The following GLS variants were observed in gnomAD, a reference collection of about 807,000 sequenced individuals.
GLS encodes glutaminase kidney isoform, mitochondrial.
A neutral mutation model predicts 86.7 loss-of-function variants in GLS; 36 were observed. The observed-to-expected ratio is 0.42, with a 90% CI of 0.32 to 0.55. GLS has a LOEUF of 0.55. Ranked by LOEUF, GLS falls within the 20% of genes least tolerant of loss-of-function variation. GLS has a pLI of 0.17. For missense variants in GLS, 528 were observed against 833.4 expected, an observed-to-expected ratio of 0.63 and a Z score of 4.51; for synonymous variants, 317 against 305.9, an observed-to-expected ratio of 1.04 and a Z score of -0.38.
Position 190,905,615 on chromosome 2 carries a change from T to C in GLS, c.979+448T>C, listed in dbSNP as rs913752825. Among the ~76,000 whole-genome samples, 1 of 152,090 alleles carries C rather than the reference T, an allele frequency of 6.6e-6. No homozygotes were observed. The highest frequency in any genetic ancestry group is 2.4e-5 in the African/African-American group (1 of 41,428). On this transcript the variant is annotated intron_variant, in intron 6 of 17. Transcript: ENST00000320717. The surrounding 1 kb of genome is among the most constrained non-coding windows in gnomAD (Gnocchi z 4.6). ...CTGGTTGAGATAGTGAGGATTATTATTTTTCAGTGAGTGTTTTTACTTTTT... is the reference window on the plus strand; with the variant it reads ...CTGGTTGAGATAGTGAGGATTATTACTTTTCAGTGAGTGTTTTTACTTTTT...
At chr2:190,896,412 T>C (rs1372612605) in intron 3 of GLS, 1 of 152,228 alleles carries the variant, frequency 6.6e-6, no homozygotes, top group Non-Finnish European at 1.5e-5. Flanking sequence ...AAGAATCAAA[T>C]AGTATTTTAA....
At chr2:190,917,960 ACAG>A (rs1689597804) in intron 7 of GLS, among the ~76,000 whole-genome samples, 1 of 152,054 alleles carries the variant, frequency 6.6e-6, no homozygotes, top group South Asian at 2.1e-4. Context: ...GTAGGTTTCA[ACAG>A]TGGGCTTAAA....
At chr2:190,941,938 A>C (rs1307213054) in intron 14 of GLS, among the ~76,000 whole-genome samples, 1 of 152,070 alleles carries the variant, frequency 6.6e-6, no homozygotes, top group Non-Finnish European at 1.5e-5. Flanking sequence ...TAAATGTTTA[A>C]TGTGCACCCC....
At chr2:190,928,753 C>G (rs1689988841) in intron 12 of GLS, among the ~76,000 whole-genome samples, 1 of 139,868 alleles carries the variant, frequency 7.1e-6, no homozygotes, top group Admixed American at 7.0e-5. Context: ...TGACCTGTCT[C>G]TCTTTTTTTC....
intron 14 of GLS, among the ~76,000 whole-genome samples, chr2:190,944,229 G>C (rs1435166101): frequency 1.3e-5 from 2 of 150,416 alleles, no homozygotes; most frequent in Non-Finnish European, 3.0e-5. Flanking sequence ...TGTATTTGGT[G>C]ATGAATGTCT....
At chr2:190,958,560 C>T (rs1690918997) in intron 17 of GLS, among the ~76,000 whole-genome samples, 1 of 152,156 alleles carries the variant, frequency 6.6e-6, no homozygotes, top group Non-Finnish European at 1.5e-5. Context: ...GCATTTAGTA[C>T]TATAAATTTC....
At chr2:190,928,892 G>GTT (rs367999647) in intron 12 of GLS, among the ~76,000 whole-genome samples, 1,550 of 12,840 alleles carry the variant, frequency 0.12, 280 homozygotes, top group Middle Eastern at 0.17. Context: ...ATTCAGGTGT[G>GTT]TTTTTTTTTT....
In GLS at chr2:190,897,323, T is replaced by G. The variant is rs1688778773; in HGVS notation, c.605+1598T>G. On this transcript the variant is annotated intron_variant, in intron 3 of 17. Transcript: ENST00000320717. This position sits in a 1 kb window ranked among gnomAD's most constrained non-coding sequence, Gnocchi z 4.3. ...TTTAATACTTGAAAAAATATTTATG[T>G]TTTGTAAACATGTTGTTATGTTTAA... Among the ~76,000 whole-genome samples the G allele has an allele frequency of 6.6e-6, 1 of 152,208 alleles. No homozygotes were observed. The highest frequency in any genetic ancestry group is 1.5e-5 in the Non-Finnish European group (1 of 68,034).
chr2:190,928,556 A>G (rs939897230), intron 12 of GLS, among the ~76,000 whole-genome samples: 1 of 151,840 alleles, frequency 6.6e-6, no homozygotes, highest in South Asian at 2.1e-4. Flanking sequence ...GCTGTTCTCG[A>G]ACTCCTGACC....
intron 12 of GLS, among the ~76,000 whole-genome samples, chr2:190,928,287 ATATT>A (rs1203364034): frequency 6.6e-6 from 1 of 151,826 alleles, no homozygotes; most frequent in Non-Finnish European, 1.5e-5. Context: ...GAATATCAAA[ATATT>A]TAGTTAGTGT....
At chr2:190,929,530 T>A (rs1004873342) in intron 12 of GLS, among the ~76,000 whole-genome samples, 21 of 149,954 alleles carry the variant, frequency 1.4e-4, no homozygotes, top group Admixed American at 9.3e-4. Context: ...AGTGCAGTGG[T>A]GCGATCTTGG....
rs770380565 is a variant in GLS, at chr2:190,924,807, T to C, written c.1248+214T>C. On this transcript the variant is annotated intron_variant, in intron 11 of 17. Coordinates refer to ENST00000320717, the MANE Select transcript of GLS (RefSeq NM_014905.5). The surrounding 1 kb of genome is among the most constrained non-coding windows in gnomAD (Gnocchi z 5.2). ...GTGTGTGCCTGTAGTCCCAGTTACT[T>C]GTGAGGCTGAGGCAGGAGAATCCCT... 7 of 423,140 alleles carry C rather than the reference T, an allele frequency of 1.7e-5. No homozygotes were observed. The highest frequency in any genetic ancestry group is 4.1e-5 in the African/African-American group (2 of 49,194). 26.2% of individuals were successfully genotyped at this position (423,140 alleles called of 1,614,324 possible).
chr2:190,932,216 G>A (rs560626286), intron 14 of GLS, among the ~76,000 whole-genome samples: 2 of 151,874 alleles, frequency 1.3e-5, no homozygotes, highest in East Asian at 3.9e-4. Context: ...TGTTTGTTAC[G>A]AGTTTATTTG....
chr2:190,887,097 G>C (rs948436992), intron 1 of GLS, among the ~76,000 whole-genome samples: 1 of 152,242 alleles, frequency 6.6e-6, no homozygotes, highest in East Asian at 1.9e-4. Flanking sequence ...TTGCCTGTCT[G>C]TGCCTTTTCA....
chr2:190,932,734 G>T, intron 14 of GLS: 1 of 1,599,586 alleles, frequency 6.3e-7, no homozygotes, highest in South Asian at 1.1e-5. Flanking sequence ...TGGACCATTG[G>T]ACTATGAAAG....
At position 190,895,267 on chromosome 2, in the gene GLS, CTA is replaced by C; in HGVS notation, c.483+21_483+22del. 1 of 945,128 alleles carries C rather than the reference CTA, an allele frequency of 1.1e-6. No homozygotes were observed. Among genetic ancestry groups the C allele is most frequent in the Non-Finnish European group, 1.7e-6 (1 of 590,744 alleles). The allele number at this position is 945,128 out of a possible 1,614,324, so 58.5% of individuals were successfully genotyped here. ...TATTACAGTAAGTTTTTATATTTTT[CTA>C]TCTTAACTTAAAAAAATCAATAATA... On this transcript the variant is annotated intron_variant, in intron 2 of 17. Coordinates refer to ENST00000320717, the MANE Select transcript of GLS (RefSeq NM_014905.5). This position sits in a 1 kb window ranked among gnomAD's most constrained non-coding sequence, Gnocchi z 4.2.
chr2:190,949,601 G>A lies in GLS; in HGVS notation c.1651-3964G>A, dbSNP rs1038436172. Among the ~76,000 whole-genome samples, 4 of 152,104 alleles carry A rather than the reference G, an allele frequency of 2.6e-5. No homozygotes were observed. Among genetic ancestry groups the A allele is most frequent in the African/African-American group, 9.7e-5 (4 of 41,408 alleles). On this transcript the variant is annotated intron_variant, in intron 14 of 17. Transcript: ENST00000320717. This position sits in a 1 kb window ranked among gnomAD's most constrained non-coding sequence, Gnocchi z 4.0. ...CCAGCTACTCCAGAGGCTGAGGTGG[G>A]AGAATCACTTGAACCCGAGAGGCGA...
At position 190,962,443 on chromosome 2, in the gene GLS, A is replaced by G. The variant is rs1691025207; in HGVS notation, c.1854-387A>G. On this transcript the variant is annotated intron_variant, in intron 17 of 17. Transcript: ENST00000320717. This position sits in a 1 kb window ranked among gnomAD's most constrained non-coding sequence, Gnocchi z 4.2. ...CAAAGGCTAGAGTGATGGATGTTAT[A>G]TGCCTGAATTTTCTTTGAACATTTT... is the stretch of plus-strand genomic sequence containing the variant. 6.6e-6 allele frequency among the ~76,000 whole-genome samples: 1 copy of G among 152,232 alleles called. No individual in the cohort carries two copies. The highest frequency in any genetic ancestry group is 1.9e-4 in the East Asian group (1 of 5,204).
At chr2:190,907,576 T>G (rs1482543737) in intron 6 of GLS, among the ~76,000 whole-genome samples, 1 of 152,200 alleles carries the variant, frequency 6.6e-6, no homozygotes, top group Non-Finnish European at 1.5e-5. Flanking sequence ...TTTTAAAATG[T>G]TTGCAACATA....
Sources: gnomAD v4.1 joint callset for allele counts (sites outside exome capture counted in the v4.1 genomes callset) on GRCh38, gnomAD v4.1.1 for gene constraint, Gnocchi (gnomAD v3.1) non-coding constraint, MANE v1.5 for transcripts, NCBI Gene and HGNC (gene_info 2026-07-23, HGNC 2026-07-21) for gene names.